The following AOAH variants were observed in gnomAD, a reference collection of about 807,000 sequenced individuals.
AOAH encodes acyloxyacyl hydrolase (neutrophil).
Under a neutral mutation model 92.2 loss-of-function variants are expected in AOAH, and 64 were observed. The observed-to-expected ratio is 0.69, with a 90% confidence interval of 0.57 to 0.86. The LOEUF (loss-of-function observed/expected upper bound fraction) is 0.86, where lower values mean the gene tolerates loss of function less well. Ranked by LOEUF, AOAH falls within the 40% of genes least tolerant of loss-of-function variation. AOAH has a pLI of 0.00. For missense variants in AOAH, 656 were observed against 694.6 expected (o/e 0.94, Z 0.62); for synonymous variants, 263 against 254.5 (o/e 1.03, Z -0.32).
At chr7:36,622,563 G>GCA (rs3053540) in intron 7 of AOAH, among the ~76,000 whole-genome samples, 15,888 of 151,254 alleles carry the variant, frequency 0.11, 995 homozygotes, top group South Asian at 0.19. Flanking sequence ...TGAATCAAAC[G>GCA]CACACACACA....
At chr7:36,694,451 T>C (rs1230499126) in intron 1 of AOAH, among the ~76,000 whole-genome samples, 1 of 152,090 alleles carries the variant, frequency 6.6e-6, no homozygotes, top group Non-Finnish European at 1.5e-5. Flanking sequence ...TGAGCCGAGA[T>C]TGCACTCCAG....
intron 5 of AOAH, among the ~76,000 whole-genome samples, chr7:36,636,567 A>C (rs981705722): frequency 2.6e-5 from 4 of 152,212 alleles, no homozygotes; most frequent in Admixed American, 6.5e-5. Context: ...ACTTAAGCAA[A>C]TTAGCTCAAC....
At chr7:36,680,237 A>G (rs965145496) in intron 2 of AOAH, among the ~76,000 whole-genome samples, 3 of 152,214 alleles carry the variant, frequency 2.0e-5, no homozygotes, top group African/African-American at 7.2e-5. Context: ...AATGAGAGCC[A>G]GAGGCAAAAG....
intron 13 of AOAH, among the ~76,000 whole-genome samples, chr7:36,555,895 C>T (rs1786668014): frequency 6.6e-6 from 1 of 152,090 alleles, no homozygotes; most frequent in Non-Finnish European, 1.5e-5. Flanking sequence ...ATTAGTCTTG[C>T]TAGCGGTCTA....
At chr7:36,611,480 C>T (rs759473458) in intron 11 of AOAH, among the ~76,000 whole-genome samples, 13 of 152,162 alleles carry the variant, frequency 8.5e-5, no homozygotes, top group South Asian at 2.1e-4. Context: ...CAGATGAAAA[C>T]GATTACAATC....
intron 1 of AOAH, among the ~76,000 whole-genome samples, chr7:36,718,829 G>A (rs951246873): frequency 6.6e-6 from 1 of 152,158 alleles, no homozygotes; most frequent in Non-Finnish European, 1.5e-5. Context: ...GGATTTTTGG[G>A]GGGAGCAGTG....
At chr7:36,637,998 T>C in intron 4 of AOAH, 88 bp from the exon 5 acceptor site, 4 of 1,117,142 alleles carry the variant, frequency 3.6e-6, no homozygotes, top group Non-Finnish European at 5.2e-6. Flanking sequence ...TTAAAGTCCA[T>C]AAGTTTTCAA....
At chr7:36,702,525 G>C (rs1282217080) in intron 1 of AOAH, among the ~76,000 whole-genome samples, 1 of 152,144 alleles carries the variant, frequency 6.6e-6, no homozygotes, top group Non-Finnish European at 1.5e-5. Flanking sequence ...CCACAATAAA[G>C]CAAATAACTC....
chr7:36,559,920 G>T (rs148625998), intron 13 of AOAH, among the ~76,000 whole-genome samples: 4 of 152,298 alleles, frequency 2.6e-5, no homozygotes, highest in Non-Finnish European at 4.4e-5. Flanking sequence ...TATGGTGAAA[G>T]ATAGGGGTCC....
intron 9 of AOAH, among the ~76,000 whole-genome samples, chr7:36,618,924 A>T (rs1249560817): frequency 6.6e-6 from 1 of 152,186 alleles, no homozygotes; most frequent in African/African-American, 2.4e-5. Context: ...TATCCAACCC[A>T]AACATCAATA....
At chr7:36,642,982 T>C (rs1280622646) in intron 4 of AOAH, among the ~76,000 whole-genome samples, 8 of 152,218 alleles carry the variant, frequency 5.3e-5, no homozygotes, top group Non-Finnish European at 1.2e-4. Flanking sequence ...GTTGTGAGGA[T>C]TGACAAAGAT....
chr7:36,694,267 C>T (rs763922201), intron 1 of AOAH, among the ~76,000 whole-genome samples: 7 of 152,102 alleles, frequency 4.6e-5, no homozygotes, highest in South Asian at 2.1e-4. Flanking sequence ...GAGGCTGAGG[C>T]GGGCGGATCA....
chr7:36,528,420 A>G (rs1784514192), intron 19 of AOAH, among the ~76,000 whole-genome samples: 1 of 152,148 alleles, frequency 6.6e-6, no homozygotes, highest in Non-Finnish European at 1.5e-5. Context: ...GGAATTCTGG[A>G]CAGACAAGAA....
At chr7:36,584,110 A>G (rs1331344399) in intron 12 of AOAH, among the ~76,000 whole-genome samples, 2 of 152,178 alleles carry the variant, frequency 1.3e-5, no homozygotes, top group African/African-American at 4.8e-5. Context: ...TGAATGTTTT[A>G]TATTTTTTGA....
intron 16 of AOAH, among the ~76,000 whole-genome samples, chr7:36,534,725 G>A (rs979250855): frequency 3.3e-5 from 5 of 152,204 alleles, no homozygotes; most frequent in African/African-American, 1.2e-4. Context: ...TTGTGTCTGT[G>A]ACTCCCTGGT....
intron 12 of AOAH, among the ~76,000 whole-genome samples, chr7:36,592,694 A>G (rs1789831038): frequency 1.3e-5 from 2 of 152,232 alleles, no homozygotes; most frequent in Admixed American, 6.5e-5. Context: ...TGGATCTCTC[A>G]ACTGCAAATG....
intron 3 of AOAH, among the ~76,000 whole-genome samples, chr7:36,664,668 G>A (rs1197261769): frequency 6.6e-6 from 1 of 152,148 alleles, no homozygotes; most frequent in Non-Finnish European, 1.5e-5. Context: ...CTGGGATTCA[G>A]ATTGATATTG....
chr7:36,639,290 T>A (rs1398200107), intron 4 of AOAH, among the ~76,000 whole-genome samples: 5 of 152,178 alleles, frequency 3.3e-5, no homozygotes, highest in African/African-American at 9.7e-5. Flanking sequence ...TGCAAACTAT[T>A]CTTATGGTGA....
intron 5 of AOAH, among the ~76,000 whole-genome samples, chr7:36,635,835 A>G (rs2718190): frequency 0.2 from 29,800 of 152,058 alleles, 3,308 homozygotes; most frequent in African/African-American, 0.29. Flanking sequence ...CCTCTCATCT[A>G]TAAAATGGGG....
Sources: allele counts gnomAD v4.1 joint callset (sites outside exome capture counted in the v4.1 genomes callset), GRCh38; gene constraint gnomAD v4.1.1; transcripts MANE v1.5; gene names NCBI Gene and HGNC (gene_info 2026-07-23, HGNC 2026-07-21).